PTPRN2: variants seen among roughly 807,000 people sequenced by gnomAD.
PTPRN2 encodes protein tyrosine phosphatase receptor type N2, also known as receptor-type tyrosine-protein phosphatase N2.
A neutral mutation model predicts 118.8 loss-of-function variants in PTPRN2; 74 were observed. That is an observed-to-expected ratio of 0.62 (90% CI 0.52 to 0.76). The LOEUF (loss-of-function observed/expected upper bound fraction) is 0.76, where lower values mean the gene tolerates loss of function less well. Among genes scored for constraint, PTPRN2 ranks in the 30% least tolerant of loss-of-function variants. The probability of loss-of-function intolerance (pLI) is 0.00; values close to 1 mark genes in which losing one functional copy is unlikely to be tolerated. For synonymous variants in PTPRN2, 641 were observed against 608.0 expected, an observed-to-expected ratio of 1.05 and a Z score of -0.80; for missense variants, 1,481 against 1,394.4, an observed-to-expected ratio of 1.06 and a Z score of -0.99.
intron 11 of PTPRN2, among the ~76,000 whole-genome samples, chr7:158,005,192 A>G (rs1805553481): frequency 6.6e-6 from 1 of 151,640 alleles, no homozygotes; most frequent in Admixed American, 6.6e-5. Context: ...CTCCTGCCTC[A>G]GTCTGCCGAG....
intron 2 of PTPRN2, among the ~76,000 whole-genome samples, chr7:158,479,895 G>A (rs988022631): frequency 1.6e-4 from 24 of 152,256 alleles, no homozygotes; most frequent in African/African-American, 3.6e-4. Flanking sequence ...GGGAGCGGGG[G>A]CTCCTGCTCT....
rs911384012 is a variant in PTPRN2, at chr7:158,517,412, C to T, written c.113-27627G>A. On this transcript the variant is annotated intron_variant, in intron 1 of 22. Coordinates refer to ENST00000389418, the MANE Select transcript of PTPRN2 (RefSeq NM_002847.5). This position sits in a 1 kb window ranked among gnomAD's most constrained non-coding sequence, Gnocchi z 5.3. The stretch of plus-strand genomic sequence containing the variant: ...CATATGGGGAATTCCAGAACGTGAC[C>T]CTGTACCTAAATCCCTGCAGTTCCC... Among the ~76,000 whole-genome samples, 2 of 152,080 alleles carry T rather than the reference C, an allele frequency of 1.3e-5. No homozygotes were observed. The highest frequency in any genetic ancestry group is 1.3e-4 in the Admixed American group (2 of 15,278).
chr7:157,735,827 C>T (rs539592151), intron 12 of PTPRN2, among the ~76,000 whole-genome samples: 12 of 152,266 alleles, frequency 7.9e-5, no homozygotes, highest in Non-Finnish European at 1.5e-4. Flanking sequence ...AGTACCTTCT[C>T]GGGAAAGGAG....
intron 14 of PTPRN2, among the ~76,000 whole-genome samples, chr7:157,644,656 G>C (rs1217012391): frequency 6.6e-6 from 1 of 152,116 alleles, no homozygotes; most frequent in African/African-American, 2.4e-5. Context: ...TTAGCCAGGC[G>C]TGGTGGCTAA....
chr7:158,342,286 G>A (rs10246515), intron 2 of PTPRN2, among the ~76,000 whole-genome samples: 2 of 109,258 alleles, frequency 1.8e-5, no homozygotes, highest in Admixed American at 9.8e-5. Flanking sequence ...TCTCACCATA[G>A]AGCTGACACC....
In PTPRN2 at chr7:158,533,107, C is replaced by T. The variant is rs545729106; in HGVS notation, c.113-43322G>A. On this transcript the variant is annotated intron_variant, in intron 1 of 22. Coordinates refer to ENST00000389418, the MANE Select transcript of PTPRN2 (RefSeq NM_002847.5). ...AACTCGCAAAGAATTAGCTCACCTC[C>T]AACAACCACGGGAGCTTGAAAACCA... Among the ~76,000 whole-genome samples the T allele has an allele frequency of 5.3e-5, 8 of 152,362 alleles. No individual in the cohort carries two copies. In the South Asian group the frequency reaches 1.2e-3, roughly 24 times the overall value.
Position 158,312,076 on chromosome 7 carries a change from C to T in PTPRN2, c.277+4743G>A, listed in dbSNP as rs568407605. Among the ~76,000 whole-genome samples the T allele has an allele frequency of 8.6e-4, 123 of 142,784 alleles. 1 individual carries two copies. The East Asian group carries it at 0.021, about 24-fold the overall frequency. 93.7% of individuals were successfully genotyped at this position (142,784 alleles called of 152,430 possible). A position where few individuals can be genotyped will look rare whatever the true frequency, so the allele number is the denominator to read the frequency against. ...ACGTGCTCACATGTAGACACACACACGTGCACTCATTCACATGCTCACATG... is the reference window on the plus strand; with the variant it reads ...ACGTGCTCACATGTAGACACACACATGTGCACTCATTCACATGCTCACATG... On this transcript the variant is annotated intron_variant, in intron 3 of 22. Coordinates refer to ENST00000389418, the MANE Select transcript of PTPRN2 (RefSeq NM_002847.5).
chr7:157,956,651 G>T (rs1801203013), intron 11 of PTPRN2, among the ~76,000 whole-genome samples: 1 of 152,224 alleles, frequency 6.6e-6, no homozygotes, highest in Non-Finnish European at 1.5e-5. Context: ...ACAGAGTGAT[G>T]CCAAGACAGG....
At chr7:158,002,858 G>T (rs940788125) in intron 11 of PTPRN2, among the ~76,000 whole-genome samples, 1 of 152,172 alleles carries the variant, frequency 6.6e-6, no homozygotes, top group Non-Finnish European at 1.5e-5. Flanking sequence ...GAGCTGGCCT[G>T]GACCACCCTG....
chr7:157,621,282 G>A lies in PTPRN2; in HGVS notation c.2344+80C>T, dbSNP rs1458624112. The A allele has an allele frequency of 1.3e-5, 12 of 941,502 alleles. No homozygotes were observed. The Admixed American group carries it at 1.3e-4, about 10-fold the overall frequency. The allele number at this position is 941,502 out of a possible 1,614,324, so 58.3% of individuals were successfully genotyped here. ...CCCGGAACCCTGGCCTCCTGCCCTC[G>A]GGCCTGGTATGTACAGGTCAGCACG... On this transcript the variant is annotated intron_variant, in intron 15 of 22. Transcript: ENST00000389418.
rs935962133 is a variant in PTPRN2 at position 157,550,777 on chromosome 7, A to T, written c.2903-1758T>A. 5.4e-4 allele frequency among the ~76,000 whole-genome samples: 83 copies of T among 152,328 alleles called. No homozygotes were observed. The highest frequency in any genetic ancestry group is 7.1e-4 in the Non-Finnish European group (48 of 68,026). ...TTTGCGGCAGCCCGTGAGCTCGGCCACCAGGGAACTAGCTGGCAGCTCACG... is the reference window on the plus strand; with the variant it reads ...TTTGCGGCAGCCCGTGAGCTCGGCCTCCAGGGAACTAGCTGGCAGCTCACG... On this transcript the variant is annotated intron_variant, in intron 21 of 22. Coordinates refer to ENST00000389418, the MANE Select transcript of PTPRN2 (RefSeq NM_002847.5). This position sits in a 1 kb window ranked among gnomAD's most constrained non-coding sequence, Gnocchi z 5.2.
At chr7:158,259,707 G>A (rs4909158) in intron 3 of PTPRN2, among the ~76,000 whole-genome samples, 5 of 147,940 alleles carry the variant, frequency 3.4e-5, no homozygotes, top group South Asian at 2.1e-4. Context: ...CTTGTGTCCC[G>A]GGTGTACAGG....
intron 11 of PTPRN2, among the ~76,000 whole-genome samples, chr7:158,040,889 C>A (rs1808418144): frequency 6.6e-6 from 1 of 152,114 alleles, no homozygotes; most frequent in South Asian, 2.1e-4. Flanking sequence ...TGCACCACCA[C>A]ACCTGGCTAA....
At chr7:157,566,949 C>T (rs1799516504) in intron 21 of PTPRN2, among the ~76,000 whole-genome samples, 1 of 152,240 alleles carries the variant, frequency 6.6e-6, no homozygotes, top group Non-Finnish European at 1.5e-5. Flanking sequence ...GTGCCCCCAG[C>T]AACTCACCAC....
intron 1 of PTPRN2, among the ~76,000 whole-genome samples, chr7:158,556,902 GTGCAGGTCGCTCCCA>G (rs1827050047): frequency 6.9e-6 from 1 of 145,352 alleles, no homozygotes; most frequent in African/African-American, 2.6e-5. Context: ...GGGGGCTCCC[GTGCAGGTCGCTCCCA>G]CGCAGGTCAG....
At position 158,130,422 on chromosome 7, in the gene PTPRN2, TCA is replaced by T. The variant is rs1236406736; in HGVS notation, c.1556+3253_1556+3254del. On this transcript the variant is annotated intron_variant, in intron 9 of 22. Coordinates refer to ENST00000389418, the MANE Select transcript of PTPRN2 (RefSeq NM_002847.5). ...ACCCAACACACACACTCATACACACTCACACACACACGTACATACAGATACAC... is the reference window on the plus strand; with the variant it reads ...ACCCAACACACACACTCATACACACTCACACACACGTACATACAGATACAC... 7.6e-3 allele frequency among the ~76,000 whole-genome samples: 790 copies of T among 104,216 alleles called. 9 individuals carry two copies. Among genetic ancestry groups the T allele is most frequent in the African/African-American group, 0.026 (684 of 26,090 alleles). 68.4% of individuals were successfully genotyped at this position (104,216 alleles called of 152,430 possible).
chr7:158,043,297 A>G (rs867018381), intron 11 of PTPRN2, among the ~76,000 whole-genome samples: 7 of 152,258 alleles, frequency 4.6e-5, no homozygotes, highest in Admixed American at 1.3e-4. Context: ...CATGGACAGA[A>G]AAAAGTGTCA....
At position 157,874,632 on chromosome 7, in the gene PTPRN2, G is replaced by C. The variant is rs73165880; in HGVS notation, c.1788+24041C>G. Among the ~76,000 whole-genome samples the C allele has an allele frequency of 1.8e-4, 27 of 152,260 alleles. No homozygotes were observed. The highest frequency in any genetic ancestry group is 3.7e-4 in the Non-Finnish European group (25 of 68,022). ...GGGGTCCGGGGAGAAGCGGAGGGGG[G>C]CAGAGAAGGCCGTGCCACCCAGCAG... On this transcript the variant is annotated intron_variant, in intron 12 of 22. Transcript: ENST00000389418. The surrounding 1 kb of genome is among the most constrained non-coding windows in gnomAD (Gnocchi z 5.8).
chr7:157,660,678 G>C (rs1357361176), intron 13 of PTPRN2, among the ~76,000 whole-genome samples: 2 of 152,206 alleles, frequency 1.3e-5, no homozygotes. Context: ...ATAGAAGTTA[G>C]GGCCGTTCTC....
Sources: gnomAD v4.1 joint callset for allele counts (sites outside exome capture counted in the v4.1 genomes callset) on GRCh38, gnomAD v4.1.1 for gene constraint, Gnocchi (gnomAD v3.1) non-coding constraint, MANE v1.5 for transcripts, NCBI Gene and HGNC (gene_info 2026-07-23, HGNC 2026-07-21) for gene names.